Variants in USP7 observed in about 807,000 individuals in gnomAD.
USP7 encodes the protein ubiquitin specific peptidase 7, also known as ubiquitin C-terminal hydrolase 7.
USP7 carries 9 observed loss-of-function variants against 162.9 expected under a neutral mutation model. That is an observed-to-expected ratio of 0.06 (90% CI 0.03 to 0.10). The LOEUF is 0.10. Ranked by LOEUF, USP7 falls within the 10% of genes least tolerant of loss-of-function variation. The pLI is 1.00. For synonymous variants in USP7, 562 were observed against 475.9 expected (o/e 1.18, Z -2.35); for missense variants, 715 against 1,373.7 (o/e 0.52, Z 7.58).
intron 3 of USP7, among the ~76,000 whole-genome samples, chr16:8,922,278 C>G (rs1278048319): frequency 2.0e-5 from 3 of 152,224 alleles, no homozygotes; most frequent in African/African-American, 7.2e-5. Flanking sequence ...CACCTGAGGT[C>G]AGGAGTTCGA....
chr16:8,901,251 C>A lies in USP7; in HGVS notation c.2048-17G>T. 1.3e-6 allele frequency: 2 copies of A among 1,578,220 alleles called. No individual in the cohort carries two copies. Among genetic ancestry groups the A allele is most frequent in the African/African-American group, 1.4e-5 (1 of 73,672 alleles). On this transcript the variant is annotated splice_polypyrimidine_tract_variant and intron_variant, in intron 18 of 30. Transcript: ENST00000344836. ...TTACATCATCTACAAGGTTAATAAA[C>A]AAGTTTTGTTAAGATCCAAACACTC...
chr16:8,932,743 C>G (rs755730163), intron 1 of USP7, among the ~76,000 whole-genome samples: 3 of 152,168 alleles, frequency 2.0e-5, no homozygotes, highest in Non-Finnish European at 2.9e-5. Flanking sequence ...AGGACAGTGA[C>G]TGGCCCTAGA....
chr16:8,954,946 G>T (rs544027642), intron 1 of USP7, among the ~76,000 whole-genome samples: 1 of 152,122 alleles, frequency 6.6e-6, no homozygotes, highest in African/African-American at 2.4e-5. Context: ...ACAACAGAGC[G>T]AGACTCCATC....
chr16:8,955,160 G>C (rs979153817), intron 1 of USP7, among the ~76,000 whole-genome samples: 2 of 152,180 alleles, frequency 1.3e-5, no homozygotes, highest in Non-Finnish European at 2.9e-5. Context: ...CCGCTGAAAT[G>C]TAATTTTACA....
chr16:8,921,443 C>T, intron 3 of USP7, 148 bp from the exon 4 acceptor site: 1 of 845,336 alleles, frequency 1.2e-6, no homozygotes, highest in Non-Finnish European at 1.8e-6. Flanking sequence ...AGGATGGAGG[C>T]ATTTTTACCT....
intron 3 of USP7, among the ~76,000 whole-genome samples, 185 bp from the exon 4 acceptor site, chr16:8,921,480 TC>T (rs1158431890): frequency 6.6e-6 from 1 of 152,246 alleles, no homozygotes; most frequent in Admixed American, 6.5e-5. Context: ...TGTTTGGGGC[TC>T]CCCCAGTGTA....
chr16:8,945,622 A>G (rs559516898), intron 1 of USP7, among the ~76,000 whole-genome samples: 1 of 152,230 alleles, frequency 6.6e-6, no homozygotes, highest in African/African-American at 2.4e-5. Context: ...AGCACAGTAA[A>G]GATGTTCTCC....
rs147858837 is a variant in USP7, at chr16:8,900,220, G to C, written c.2309+310C>G. On this transcript the variant is annotated intron_variant, in intron 21 of 30. Transcript: ENST00000344836. ...CAGACTGAAATGAATTACCCAAGTA[G>C]GTACATTCTAAGGAGTTTCGATTTC... The C allele has an allele frequency of 2.1e-5, 7 of 332,050 alleles. No individual in the cohort carries two copies. In the Admixed American group the frequency reaches 3.3e-4, roughly 15 times the overall value. The allele number at this position is 332,050 out of a possible 1,614,324, so 20.6% of individuals were successfully genotyped here.
intron 6 of USP7, 40 bp downstream of exon 6, chr16:8,918,991 G>T (rs1897530538): frequency 6.3e-7 from 1 of 1,599,084 alleles, no homozygotes; most frequent in African/African-American, 1.3e-5. Flanking sequence ...AGAAGAAAGG[G>T]TGAGCGGAAG....
At chr16:8,929,517 G>A (rs1898197611) in intron 2 of USP7, 1 of 455,842 alleles carries the variant, frequency 2.2e-6, no homozygotes. Context: ...GTGACTGATG[G>A]TTTCTTTCAA....
intron 1 of USP7, among the ~76,000 whole-genome samples, chr16:8,949,341 T>C (rs1483160364): frequency 6.6e-6 from 1 of 152,198 alleles, no homozygotes; most frequent in East Asian, 1.9e-4. Context: ...TGCAATGCAA[T>C]TGATTGTTGG....
rs372907918 is a variant in USP7 at position 8,906,591 on chromosome 16, A to C, written c.1272-9T>G. Reference sequence around the variant, plus strand: ...GCTCTGGGAATTCAAACCTATTAGAAAACATTTTAAAAGAAATTCAGTATT... The same window carrying C: ...GCTCTGGGAATTCAAACCTATTAGACAACATTTTAAAAGAAATTCAGTATT... On this transcript the variant is annotated splice_polypyrimidine_tract_variant and intron_variant, in intron 12 of 30. Coordinates refer to ENST00000344836, the MANE Select transcript of USP7 (RefSeq NM_003470.3). 308 of 1,607,730 alleles carry C rather than the reference A, an allele frequency of 1.9e-4. 1 individual carries two copies. The highest frequency in any genetic ancestry group is 1.8e-4 in the Non-Finnish European group (216 of 1,177,606).
intron 1 of USP7, among the ~76,000 whole-genome samples, chr16:8,953,266 G>A (rs974638941): frequency 4.6e-5 from 7 of 152,030 alleles, no homozygotes; most frequent in Admixed American, 1.3e-4. Context: ...CCCTGCACAC[G>A]TGTTCAGGGC....
At chr16:8,936,883 T>C (rs1275090192) in intron 1 of USP7, among the ~76,000 whole-genome samples, 1 of 152,140 alleles carries the variant, frequency 6.6e-6, no homozygotes. Flanking sequence ...CCAATGCCAG[T>C]TCCTTGGCTG....
rs745498431 is a variant in USP7, at chr16:8,894,628, T to C, written c.3124A>G (p.Ile1042Val). 5 of 1,613,722 alleles carry C rather than the reference T, an allele frequency of 3.1e-6. No homozygotes were observed. The South Asian group carries it at 3.3e-5, about 11-fold the overall frequency. The change falls in exon 30 of 31, where the codon ATT (isoleucine) becomes GTT (valine). Residue 1042 changes from isoleucine to valine, a missense_variant. By Grantham distance (29) the Ile-to-Val change is conservative. Transcript: ENST00000344836. ...EKEFEKFKFA[I>V]VMMGRHQYIN... ...TACTGGTGTCGGCCCATCATTACAA[T>C]TGCAAATTTAAACTAAAAGAAAAAA...
intron 10 of USP7, among the ~76,000 whole-genome samples, chr16:8,911,726 A>G (rs1183173320): frequency 6.6e-6 from 1 of 152,240 alleles, no homozygotes; most frequent in Non-Finnish European, 1.5e-5. Flanking sequence ...TGGGCAGAGT[A>G]GCCTAAAGCA....
At chr16:8,955,301 G>C (rs1428537723) in intron 1 of USP7, among the ~76,000 whole-genome samples, 1 of 152,230 alleles carries the variant, frequency 6.6e-6, no homozygotes, top group African/African-American at 2.4e-5. Context: ...CTAGAGTGCA[G>C]TGATGCAATC....
chr16:8,921,034 T>C (rs554070226), intron 4 of USP7, 123 bp downstream of exon 4: 5 of 1,120,124 alleles, frequency 4.5e-6, no homozygotes, highest in Non-Finnish European at 6.2e-6. Flanking sequence ...TCAAAGACAC[T>C]TGTCCAATTT....
chr16:8,896,338 T>G (rs894328867), intron 26 of USP7, among the ~76,000 whole-genome samples: 1 of 152,094 alleles, frequency 6.6e-6, no homozygotes, highest in African/African-American at 2.4e-5. Flanking sequence ...GGAATTCACA[T>G]TCAGCTGATA....
Sources: allele counts gnomAD v4.1 joint callset (sites outside exome capture counted in the v4.1 genomes callset), GRCh38; gene constraint gnomAD v4.1.1; transcripts MANE v1.5; gene names NCBI Gene and HGNC (gene_info 2026-07-23, HGNC 2026-07-21).